TRNT1: variants seen among roughly 807,000 people sequenced by gnomAD.
TRNT1 encodes tRNA nucleotidyl transferase 1.
TRNT1 carries 44 observed loss-of-function variants against 45.6 expected under a neutral mutation model. The ratio of observed to expected loss-of-function variants is 0.97; its 90% CI spans 0.76 to 1.24. The LOEUF (loss-of-function observed/expected upper bound fraction) is 1.24. Among genes scored for constraint, TRNT1 ranks in the 50% most tolerant of loss-of-function variants. The pLI, the probability that TRNT1 is intolerant of heterozygous loss-of-function variation, is 0.00. For synonymous variants in TRNT1, 201 were observed against 171.4 expected, an observed-to-expected ratio of 1.17 and a Z score of -1.35; for missense variants, 633 against 504.4, an observed-to-expected ratio of 1.25 and a Z score of -2.44.
intron 3 of TRNT1, among the ~76,000 whole-genome samples, chr3:3,139,073 A>T (rs1355083832): frequency 6.6e-6 from 1 of 152,144 alleles, no homozygotes; most frequent in Non-Finnish European, 1.5e-5. Context: ...GATGAGGGTC[A>T]TGTTAATTTT....
downstream of TRNT1, chr3:3,153,095 C>G (rs1248546281): frequency 6.3e-6 from 2 of 316,980 alleles, no homozygotes; most frequent in African/African-American, 4.3e-5. Flanking sequence ...AAACTGATGA[C>G]TGAAATGTAA....
chr3:3,153,298 CTA>C, downstream of TRNT1: 1 of 648,932 alleles, frequency 1.5e-6, no homozygotes, highest in East Asian at 2.8e-5. Flanking sequence ...AGCTAATTCC[CTA>C]TATTTCATTT....
chr3:3,147,903 T>A lies in TRNT1; in HGVS notation c.1057-3T>A, dbSNP rs753224721. 3 of 1,604,416 alleles carry A rather than the reference T, an allele frequency of 1.9e-6. No individual in the cohort carries two copies. The highest frequency in any genetic ancestry group is 2.6e-6 in the Non-Finnish European group (3 of 1,175,356). On this transcript the variant is annotated splice_region_variant and splice_polypyrimidine_tract_variant and intron_variant, in intron 7 of 7. Coordinates refer to ENST00000251607, the MANE Select transcript of TRNT1 (RefSeq NM_182916.3). ...AAACTAAATGTTTGATTTTGACACG[T>A]AGTCTAGGGAACCTGATGCAACTAC...
intron 2 of TRNT1, among the ~76,000 whole-genome samples, chr3:3,133,332 T>C (rs755997869): frequency 2.6e-5 from 4 of 152,058 alleles, no homozygotes; most frequent in Non-Finnish European, 5.9e-5. Context: ...GATGGGAGAA[T>C]TGCTTGAGCC....
At chr3:3,142,805 C>G (rs1183007475) in intron 4 of TRNT1, among the ~76,000 whole-genome samples, 2 of 152,160 alleles carry the variant, frequency 1.3e-5, no homozygotes, top group Non-Finnish European at 2.9e-5. Context: ...GATGGATATA[C>G]CATATTATTT....
In TRNT1 at chr3:3,147,681, C is replaced by T. The variant is rs1255063646; in HGVS notation, c.1034C>T (p.Pro345Leu). The T allele has an allele frequency of 2.5e-6, 4 of 1,612,246 alleles. No homozygotes were observed. Among genetic ancestry groups the T allele is most frequent in the Admixed American group, 1.7e-5 (1 of 59,782 alleles). Residue 345 changes from proline to leucine, a missense_variant, in exon 7 of 8, where the codon CCC (proline) becomes CTC (leucine). Physicochemically the swap from Pro to Leu is moderately conservative, Grantham distance 98. Transcript: ENST00000251607. ...KATDSSDPLKPYQDFIIDSRE... is the reference protein window; with the variant it reads ...KATDSSDPLKLYQDFIIDSRE... ...ACAGATAGTTCAGACCCATTGAAAC[C>T]CTATCAAGACTTCATTATAGATGTA...
At chr3:3,149,666 G>A (rs1208961774), downstream of TRNT1, 1 of 151,954 alleles carries the variant, frequency 6.6e-6, no homozygotes, top group Non-Finnish European at 1.5e-5. Flanking sequence ...AGTAGTAAAA[G>A]TAGACCTTAG....
intron 4 of TRNT1, 73 bp from the exon 5 acceptor site, chr3:3,144,511 T>C (rs896656258): frequency 1.4e-6 from 2 of 1,404,896 alleles, no homozygotes; most frequent in Non-Finnish European, 2.0e-6. Context: ...TGATAGTGTT[T>C]AGCTGATTTT....
rs778947518 is a variant in TRNT1, at chr3:3,146,461, GACCATGATCCTGAGA to G, written c.641_655del (p.Asp214_Thr219delinsAla). 6.2e-7 allele frequency: 1 copy of G among 1,613,136 alleles called. No individual in the cohort carries two copies. The highest frequency in any genetic ancestry group is 2.2e-5 in the East Asian group (1 of 44,850). ...TGGGAGAATTGTAGACAAACCTGGTGACCATGATCCTGAGACTTTGGAAGCAATTGCAGAAAATGC... is the reference window on the plus strand; with the variant it reads ...TGGGAGAATTGTAGACAAACCTGGTGCTTTGGAAGCAATTGCAGAAAATGC... On this transcript the variant is annotated inframe_deletion, in exon 6 of 8. Transcript: ENST00000251607.
intron 2 of TRNT1, among the ~76,000 whole-genome samples, chr3:3,133,135 CAGTATGCA>C (rs1705117288): frequency 6.6e-6 from 1 of 152,076 alleles, no homozygotes; most frequent in Admixed American, 6.5e-5. Context: ...AATTAGTTTT[CAGTATGCA>C]AGAATATGAG....
intron 3 of TRNT1, among the ~76,000 whole-genome samples, chr3:3,139,352 T>C (rs1261652158): frequency 6.6e-6 from 1 of 152,240 alleles, no homozygotes; most frequent in Non-Finnish European, 1.5e-5. Flanking sequence ...GAGAGATAGA[T>C]GTAGCTTGTA....
At chr3:3,130,051 C>A in intron 2 of TRNT1, 1 of 1,287,668 alleles carries the variant, frequency 7.8e-7, no homozygotes. Context: ...TTGCTGTTGC[C>A]ACAGTTTCAT....
In TRNT1 at chr3:3,146,617, T is replaced by G. The variant is rs1706038470; in HGVS notation, c.796T>G (p.Tyr266Asp). 6.2e-7 allele frequency: 1 copy of G among 1,601,562 alleles called. No homozygotes were observed. Among genetic ancestry groups the G allele is most frequent in the East Asian group, 2.2e-5 (1 of 44,456 alleles). ...TATCTATGATCTTGATGTGGCTCCT[T>G]ATATAGGTGAGAGCAAGTTATAAAG... ...HLIYDLDVAP[Y>D]IGLPANASLE... Residue 266 changes from tyrosine to aspartate, a missense_variant, in exon 6 of 8, where the codon TAT (tyrosine) becomes GAT (aspartate). Transcript: ENST00000251607.
chr3:3,148,528 T>C lies in TRNT1; in HGVS notation c.*374T>C, dbSNP rs1706221226. ...GTTTATTGTTTGTTTGCAATTGAAA[T>C]AACAGGGTTACCTTAACAATGACTG... On this transcript the variant is annotated 3_prime_UTR_variant, in exon 8 of 8. Transcript: ENST00000251607. 1 of 157,256 alleles carries C rather than the reference T, an allele frequency of 6.4e-6. No individual in the cohort carries two copies. Among genetic ancestry groups the C allele is most frequent in the East Asian group, 1.8e-4 (1 of 5,438 alleles). The allele number at this position is 157,256 out of a possible 1,614,324, so 9.7% of individuals were successfully genotyped here. A position where few individuals can be genotyped will look rare whatever the true frequency, so the allele number is the denominator to read the frequency against.
At chr3:3,150,540 G>T, downstream of TRNT1, 1 of 212,940 alleles carries the variant, frequency 4.7e-6, no homozygotes, top group South Asian at 7.0e-5. Flanking sequence ...TTTAACACAG[G>T]AAATAATCTC....
chr3:3,147,709 T>C lies in TRNT1; in HGVS notation c.1056+6T>C. ...ATCAAGACTTCATTATAGATGTAAGTATATACTAGGCTTGGTCAGAAATAT... is the reference window on the plus strand; with the variant it reads ...ATCAAGACTTCATTATAGATGTAAGCATATACTAGGCTTGGTCAGAAATAT... On this transcript the variant is annotated splice_donor_region_variant and intron_variant, in intron 7 of 7. Coordinates refer to ENST00000251607, the MANE Select transcript of TRNT1 (RefSeq NM_182916.3). 6.2e-7 allele frequency: 1 copy of C among 1,604,132 alleles called. No individual in the cohort carries two copies. The highest frequency in any genetic ancestry group is 1.1e-5 in the South Asian group (1 of 89,454).
At position 3,144,669 on chromosome 3, in the gene TRNT1, G is replaced by A. The variant is rs760683285; in HGVS notation, c.567G>A (p.Gln189=). The A allele has an allele frequency of 3.2e-6, 5 of 1,566,626 alleles. 1 individual carries two copies. The African/African-American group carries it at 6.8e-5, about 21-fold the overall frequency. ...KKVRFVGHAK[Q]RIQEDYLRIL... Reference sequence around the variant, plus strand: ...TTAGATTTGTTGGACATGCTAAACAGAGAATACAAGAGGATTATCTTAGAA... The same window carrying A: ...TTAGATTTGTTGGACATGCTAAACAAAGAATACAAGAGGATTATCTTAGAA... Residue 189 remains glutamine, a synonymous_variant, in exon 5 of 8, where the codon CAG becomes CAA. Coordinates refer to ENST00000251607, the MANE Select transcript of TRNT1 (RefSeq NM_182916.3).
chr3:3,134,746 A>C (rs965537974), intron 2 of TRNT1, among the ~76,000 whole-genome samples: 5 of 152,300 alleles, frequency 3.3e-5, no homozygotes, highest in Middle Eastern at 3.4e-3. Flanking sequence ...ATCATAATTC[A>C]GTTTAATTAT....
intron 2 of TRNT1, among the ~76,000 whole-genome samples, chr3:3,133,555 C>A (rs78490643): frequency 1.8e-3 from 250 of 139,214 alleles, no homozygotes; most frequent in African/African-American, 5.8e-3. Context: ...GACCCTCTCT[C>A]AAAAAAAAAA....
Sources: gnomAD v4.1 joint callset for allele counts (sites outside exome capture counted in the v4.1 genomes callset) on GRCh38, gnomAD v4.1.1 for gene constraint, MANE v1.5 for transcripts, NCBI Gene and HGNC (gene_info 2026-07-23, HGNC 2026-07-21) for gene names.